The following SLC30A6 variants were observed in gnomAD, a reference collection of about 807,000 sequenced individuals.
SLC30A6 encodes the protein solute carrier family 30 member 6, also known as zinc transporter 6.
In SLC30A6, 55 loss-of-function variants were observed where a neutral mutation model predicts 63.0. That is an observed-to-expected ratio of 0.87 (90% CI 0.70 to 1.09). The LOEUF is 1.09. SLC30A6 is among the 50% of genes least tolerant of loss of function. SLC30A6 has a pLI of 0.00. For synonymous variants in SLC30A6, 224 were observed against 186.1 expected (o/e 1.20, Z -1.66); for missense variants, 587 against 549.2 (o/e 1.07, Z -0.69).
At position 32,201,105 on chromosome 2, in the gene SLC30A6, C is replaced by T. The variant is rs76606361; in HGVS notation, c.665+3279C>T. On this transcript the variant is annotated intron_variant, in intron 10 of 13. Transcript: ENST00000282587. Reference sequence around the variant, plus strand: ...GAGCCTTGTCACTCAATCTTTTGTGCGGCCATGGTACTCTGTAGACATTTC... The same window carrying T: ...GAGCCTTGTCACTCAATCTTTTGTGTGGCCATGGTACTCTGTAGACATTTC... 4.2e-3 allele frequency among the ~76,000 whole-genome samples: 643 copies of T among 152,248 alleles called. 9 individuals carry two copies. Among genetic ancestry groups the T allele is most frequent in the African/African-American group, 0.015 (626 of 41,558 alleles).
At chr2:32,193,496 T>C (rs759580793) in intron 7 of SLC30A6, among the ~76,000 whole-genome samples, 1 of 152,220 alleles carries the variant, frequency 6.6e-6, no homozygotes, top group Admixed American at 6.5e-5. Flanking sequence ...ATGTATCATA[T>C]ATATGAAAAA....
At chr2:32,197,314 A>G (rs373527840) in intron 8 of SLC30A6, 30 bp from the exon 9 acceptor site, 63 of 1,585,210 alleles carry the variant, frequency 4.0e-5, no homozygotes, top group Non-Finnish European at 5.4e-5. Context: ...TTTCTTCTAT[A>G]TAGATAATTT....
At chr2:32,167,911 A>G (rs559840222) in intron 1 of SLC30A6, among the ~76,000 whole-genome samples, 1 of 152,350 alleles carries the variant, frequency 6.6e-6, no homozygotes, top group East Asian at 1.9e-4. Context: ...AGACGATGTT[A>G]AAGTTGTGTA....
chr2:32,195,915 T>C (rs1683746897), intron 8 of SLC30A6, among the ~76,000 whole-genome samples: 1 of 152,104 alleles, frequency 6.6e-6, no homozygotes, highest in African/African-American at 2.4e-5. Context: ...CTGGGCTTGG[T>C]AGCATGTGCC....
chr2:32,180,076 C>T (rs1682149991), intron 4 of SLC30A6, among the ~76,000 whole-genome samples: 1 of 151,870 alleles, frequency 6.6e-6, no homozygotes, highest in Admixed American at 6.6e-5. Flanking sequence ...GAGCTATGAT[C>T]TTAGCACTGT....
At chr2:32,196,731 C>T (rs564237213) in intron 8 of SLC30A6, among the ~76,000 whole-genome samples, 12 of 152,042 alleles carry the variant, frequency 7.9e-5, no homozygotes, top group African/African-American at 1.4e-4. Flanking sequence ...ACCTATGGCC[C>T]GTTCTCAGCA....
Position 32,213,796 on chromosome 2 carries a change from C to CTTTTTTT in SLC30A6, c.885+4243_885+4249dup, listed in dbSNP as rs767073182. 9.3e-4 allele frequency among the ~76,000 whole-genome samples: 99 copies of CTTTTTTT among 106,762 alleles called. 6 individuals are homozygous for CTTTTTTT. The highest frequency in any genetic ancestry group is 7.6e-3 in the Middle Eastern group (1 of 132). 70.0% of individuals were successfully genotyped at this position (106,762 alleles called of 152,430 possible). ...CCTATATTAACAGGTCTAGGATAAA[C>CTTTTTTT]TTTTTTTTTTTTTTGTTTTTGTTTT... is the stretch of plus-strand genomic sequence containing the variant. On this transcript the variant is annotated intron_variant, in intron 13 of 13. Transcript: ENST00000282587.
chr2:32,168,567 A>G (rs957920337), intron 1 of SLC30A6, among the ~76,000 whole-genome samples: 2 of 152,142 alleles, frequency 1.3e-5, no homozygotes, highest in African/African-American at 2.4e-5. Context: ...AATAAGTGGC[A>G]TAAAAAACAC....
chr2:32,200,170 T>A (rs1314534907), intron 10 of SLC30A6, among the ~76,000 whole-genome samples: 1 of 152,096 alleles, frequency 6.6e-6, no homozygotes, highest in Admixed American at 6.6e-5. Context: ...CCCATTCTCA[T>A]TGCTGCTGTC....
intron 9 of SLC30A6, 89 bp downstream of exon 9, chr2:32,197,481 T>A: frequency 7.3e-7 from 1 of 1,363,580 alleles, no homozygotes; most frequent in Non-Finnish European, 1.0e-6. Context: ...TATTCGTTGC[T>A]GAGGTTACTA....
chr2:32,200,842 T>A (rs11893204), intron 10 of SLC30A6, among the ~76,000 whole-genome samples: 18,364 of 84,448 alleles, frequency 0.22, 1,159 homozygotes, highest in Middle Eastern at 0.35. Context: ...AAGAAAAAAA[T>A]AATAATAATA....
chr2:32,190,112 C>T (rs747718105), intron 5 of SLC30A6, among the ~76,000 whole-genome samples: 2 of 152,064 alleles, frequency 1.3e-5, no homozygotes, highest in Non-Finnish European at 2.9e-5. Flanking sequence ...TAAGTATCTT[C>T]TCCTTCTTAG....
At chr2:32,212,117 A>AT (rs1006430455) in intron 13 of SLC30A6, among the ~76,000 whole-genome samples, 3 of 149,986 alleles carry the variant, frequency 2.0e-5, no homozygotes, top group African/African-American at 7.4e-5. Flanking sequence ...TTTCCTTTTG[A>AT]TTTTTTTTAA....
At chr2:32,184,465 A>T in intron 5 of SLC30A6, 127 bp downstream of exon 5, 1 of 473,612 alleles carries the variant, frequency 2.1e-6, no homozygotes, top group Non-Finnish European at 3.5e-6. Flanking sequence ...AATGATGATC[A>T]GATAGTGAAA....
intron 5 of SLC30A6, among the ~76,000 whole-genome samples, chr2:32,191,200 C>T (rs1485328527): frequency 6.6e-6 from 1 of 152,184 alleles, no homozygotes; most frequent in Non-Finnish European, 1.5e-5. Flanking sequence ...AACATTGGTG[C>T]ATTTGCATAC....
intron 2 of SLC30A6, 31 bp from the exon 3 acceptor site, chr2:32,174,032 G>C: frequency 6.4e-7 from 1 of 1,552,796 alleles, no homozygotes; most frequent in Non-Finnish European, 8.9e-7. Flanking sequence ...TATCACTTCT[G>C]TACACATAAG....
At chr2:32,202,805 A>G in intron 10 of SLC30A6, 1 of 764,128 alleles carries the variant, frequency 1.3e-6, no homozygotes, top group South Asian at 1.4e-5. Context: ...GGGTATGCAA[A>G]GTTGCAAAAA....
intron 10 of SLC30A6, chr2:32,201,778 A>T: frequency 1.5e-6 from 2 of 1,358,914 alleles, no homozygotes; most frequent in Non-Finnish European, 2.1e-6. Flanking sequence ...GATAAGCTGA[A>T]AATACATTAC....
At chr2:32,171,241 G>A (rs752391495) in intron 1 of SLC30A6, 46 bp from the exon 2 acceptor site, 8 of 1,504,290 alleles carry the variant, frequency 5.3e-6, no homozygotes, top group African/African-American at 1.4e-5. Flanking sequence ...GAACTCTGAA[G>A]ATGATTAAAT....
Sources: gnomAD v4.1 joint callset for allele counts (sites outside exome capture counted in the v4.1 genomes callset) on GRCh38, gnomAD v4.1.1 for gene constraint, MANE v1.5 for transcripts, NCBI Gene and HGNC (gene_info 2026-07-23, HGNC 2026-07-21) for gene names.